Variants in PTPRS observed in about 807,000 individuals in gnomAD.
PTPRS encodes the protein protein tyrosine phosphatase receptor type S.
PTPRS carries 63 observed loss-of-function variants against 215.3 expected under a neutral mutation model. The observed-to-expected ratio is 0.29, with a 90% CI of 0.24 to 0.36. The LOEUF (loss-of-function observed/expected upper bound fraction) is 0.36, where lower values mean the gene tolerates loss of function less well. PTPRS is among the 10% of genes least tolerant of loss of function. The probability of loss-of-function intolerance (pLI) is 1.00; values close to 1 mark genes in which losing one functional copy is unlikely to be tolerated. For synonymous variants in PTPRS, 1,404 were observed against 1,191.4 expected (o/e 1.18, Z -3.68); for missense variants, 2,258 against 2,825.8 (o/e 0.80, Z 4.56).
rs1294560081 is a variant in PTPRS at position 5,288,736 on chromosome 19, CAG to C, written c.-94-2504_-94-2503del. Among the ~76,000 whole-genome samples, 4 of 152,320 alleles carry C rather than the reference CAG, an allele frequency of 2.6e-5. No homozygotes were observed. In the East Asian group the frequency reaches 7.7e-4, roughly 29 times the overall value. ...AGGGCATGGGTAGGAGTCACTTGCA[CAG>C]AGAGCCCAGGTGGGGCACATATATG... On this transcript the variant is annotated intron_variant, in intron 1 of 37. Transcript: ENST00000262963.
In PTPRS at chr19:5,274,207, G is replaced by A; in HGVS notation, c.229C>T (p.Arg77Cys). Residue 77 changes from arginine (R) to cysteine (C), a missense_variant, in exon 3 of 38, where the codon CGC (arginine) becomes TGC (cysteine). Physicochemically the swap from Arg to Cys is radical, Grantham distance 180 (BLOSUM62 -3). Around this residue, in one of 6 missense-constraint regions of PTPRS, gnomAD observed 508 missense variants for 799.4 expected, o/e 0.64. Coordinates refer to ENST00000262963, the MANE Select transcript of PTPRS (RefSeq NM_002850.4). ...CCCCTACCCCAACTCACCTCAAAGC[G>A]CTGAGAGTTGACCTTCTTGCCCTTC... Reference protein sequence around the residue: ...NKKGKKVNSQRFETIEFDESA... With the variant: ...NKKGKKVNSQCFETIEFDESA... The A allele has an allele frequency of 6.2e-7, 1 of 1,613,456 alleles. No homozygotes were observed. Among genetic ancestry groups the A allele is most frequent in the Non-Finnish European group, 8.5e-7 (1 of 1,179,458 alleles).
intron 13 of PTPRS, among the ~76,000 whole-genome samples, chr19:5,233,996 T>C (rs2043228853): frequency 1.5e-5 from 2 of 131,944 alleles, no homozygotes; most frequent in Non-Finnish European, 3.1e-5. Context: ...TCACACACTA[T>C]GTGCCAGGCA....
intron 5 of PTPRS, among the ~76,000 whole-genome samples, chr19:5,263,991 C>T (rs1211920669): frequency 1.3e-5 from 2 of 152,176 alleles, no homozygotes; most frequent in African/African-American, 4.8e-5. Context: ...GCAGACACAG[C>T]CCCCCAGACA....
intron 11 of PTPRS, among the ~76,000 whole-genome samples, 182 bp from the exon 12 acceptor site, chr19:5,240,514 C>G (rs1047344819): frequency 2.6e-5 from 4 of 152,214 alleles, no homozygotes; most frequent in African/African-American, 9.6e-5. Flanking sequence ...CCTCCATCCT[C>G]TCTTCTTCCA....
chr19:5,251,429 CTT>C (rs60058565), intron 9 of PTPRS, among the ~76,000 whole-genome samples: 26 of 136,632 alleles, frequency 1.9e-4, no homozygotes, highest in Non-Finnish European at 1.6e-4. Flanking sequence ...GCTCTAGATA[CTT>C]TTTTTTTTTT....
At chr19:5,291,331 C>T (rs1361131459) in intron 1 of PTPRS, among the ~76,000 whole-genome samples, 2 of 152,022 alleles carry the variant, frequency 1.3e-5, no homozygotes, top group African/African-American at 4.8e-5. Flanking sequence ...ACCAAGGGTC[C>T]TGCATGGAGG....
rs775510208 is a variant in PTPRS, at chr19:5,286,181, G to A, written c.-41C>T. 1 of 1,603,352 alleles carries A rather than the reference G, an allele frequency of 6.2e-7. No individual in the cohort carries two copies. Among genetic ancestry groups the A allele is most frequent in the Admixed American group, 1.7e-5 (1 of 58,432 alleles). ...CCGATCTCCGCCCTGGAGGGGGATG[G>A]CCCCCCGGTCCCTCACAGAGAGGCC... On this transcript the variant is annotated 5_prime_UTR_variant, in exon 2 of 38. Coordinates refer to ENST00000262963, the MANE Select transcript of PTPRS (RefSeq NM_002850.4).
rs1338484080 is a variant in PTPRS at position 5,340,753 on chromosome 19, C to A, written c.-184G>T. 1 of 149,926 alleles carries A rather than the reference C, an allele frequency of 6.7e-6. No homozygotes were observed. Among genetic ancestry groups the A allele is most frequent in the Non-Finnish European group, 1.5e-5 (1 of 67,344 alleles). 9.3% of individuals were successfully genotyped at this position (149,926 alleles called of 1,614,324 possible). On this transcript the variant is annotated 5_prime_UTR_variant, in exon 1 of 38. Transcript: ENST00000262963. ...GATCCGAGCGGAGCCCGAGCGCCAG[C>A]GGCTCGCGGCGTGCGCGCGCCGGCC...
In PTPRS at chr19:5,208,237, C is replaced by T. The variant is rs1275741790; in HGVS notation, c.5642G>A (p.Ser1881Asn). The T allele has an allele frequency of 6.3e-7, 1 of 1,593,514 alleles. No homozygotes were observed. Among genetic ancestry groups the T allele is most frequent in the African/African-American group, 1.3e-5 (1 of 74,522 alleles). ...GQDGPISVHC[S>N]AGVGRTGVFI... is the part of the protein sequence containing the mutation. Reference sequence around the variant, plus strand: ...AGCTGGGACACTCGAGGGAGCTCACCTGCAGTGGACAGAGATGGGGCCGTC... The same window carrying T: ...AGCTGGGACACTCGAGGGAGCTCACTTGCAGTGGACAGAGATGGGGCCGTC... The change falls in exon 36 of 38, where the codon AGT becomes AAT. Residue 1881 changes from serine (S) to asparagine (N), a missense_variant and splice_region_variant. Physicochemically the swap from Ser to Asn is conservative, Grantham distance 46. Transcript: ENST00000262963.
intron 2 of PTPRS, chr19:5,277,862 A>T: frequency 1.1e-6 from 1 of 898,122 alleles, no homozygotes; most frequent in Non-Finnish European, 1.8e-6. Flanking sequence ...GGTATTGACA[A>T]CAGGGTTCGC....
intron 20 of PTPRS, among the ~76,000 whole-genome samples, chr19:5,220,598 A>G (rs561568818): frequency 1.2e-4 from 19 of 152,294 alleles, no homozygotes; most frequent in African/African-American, 4.6e-4. Flanking sequence ...ACTCCTATAC[A>G]TCCTTCAAAG....
At position 5,339,139 on chromosome 19, in the gene PTPRS, C is replaced by T. The variant is rs975158651; in HGVS notation, c.-95+1525G>A. ...CTGCCGGGATGTGTTTTTAGGGTCT[C>T]GGCCAGAGGCAGGAGGACCCCATGC... On this transcript the variant is annotated intron_variant, in intron 1 of 37. Transcript: ENST00000262963. The surrounding 1 kb of genome is among the most constrained non-coding windows in gnomAD (Gnocchi z 4.2). Among the ~76,000 whole-genome samples, 5 of 152,196 alleles carry T rather than the reference C, an allele frequency of 3.3e-5. No homozygotes were observed. The highest frequency in any genetic ancestry group is 1.2e-4 in the African/African-American group (5 of 41,516).
At position 5,236,167 on chromosome 19, in the gene PTPRS, C is replaced by T. The variant is rs1192034812; in HGVS notation, c.1849+2752G>A. Among the ~76,000 whole-genome samples, 11 of 152,278 alleles carry T rather than the reference C, an allele frequency of 7.2e-5. No homozygotes were observed. The East Asian group carries it at 1.5e-3, about 21-fold the overall frequency. On this transcript the variant is annotated intron_variant, in intron 13 of 37. Coordinates refer to ENST00000262963, the MANE Select transcript of PTPRS (RefSeq NM_002850.4). ...CTTTCTACAGTCACTGGTTGTGTAC[C>T]GACTGTGGCCAGACCCCACCCTGGA...
chr19:5,272,575 G>C (rs114464776), intron 4 of PTPRS, among the ~76,000 whole-genome samples: 1 of 106,246 alleles, frequency 9.4e-6, no homozygotes, highest in Admixed American at 1.4e-4. Context: ...TCTGGCCAGC[G>C]CAACAAAGCA....
rs560090408 is a variant in PTPRS, at chr19:5,241,978, G to A, written c.1571-1646C>T. Among the ~76,000 whole-genome samples, 30 of 152,310 alleles carry A rather than the reference G, an allele frequency of 2.0e-4. No individual in the cohort carries two copies. In the South Asian group the frequency reaches 5.4e-3, roughly 27 times the overall value. On this transcript the variant is annotated intron_variant, in intron 11 of 37. Transcript: ENST00000262963. The stretch of plus-strand genomic sequence containing the variant: ...AGCCTCTTGAGTAGCTGGGATTACA[G>A]ACACACGCTATCATGCCCGGCTAAT...
At chr19:5,322,756 A>G (rs542130957) in intron 1 of PTPRS, among the ~76,000 whole-genome samples, 1 of 151,722 alleles carries the variant, frequency 6.6e-6, no homozygotes, top group South Asian at 2.1e-4. Flanking sequence ...GCGCACGCCT[A>G]TAATCCCAGC....
intron 13 of PTPRS, among the ~76,000 whole-genome samples, chr19:5,234,716 A>C (rs2043292059): frequency 6.6e-6 from 1 of 152,116 alleles, no homozygotes; most frequent in African/African-American, 2.4e-5. Context: ...GTATCAGAAA[A>C]GTTAATAGTC....
Position 5,244,251 on chromosome 19 carries a change from G to C in PTPRS, c.1220C>G (p.Ser407Cys). 6.2e-7 allele frequency: 1 copy of C among 1,613,796 alleles called. No individual in the cohort carries two copies. The highest frequency in any genetic ancestry group is 2.2e-5 in the East Asian group (1 of 44,878). ...EYEIWVSAVN[S>C]IGQGPPSESV... ...CTCGCTGGGGGGCCCCTGGCCGATG[G>C]AGTTGACGGCCGACACCCAGATCTC... Residue 407 changes from serine to cysteine, a missense_variant, in exon 11 of 38, where the codon TCC (serine) becomes TGC (cysteine). By Grantham distance (112) the Ser-to-Cys change is moderately radical. Transcript: ENST00000262963. This position sits in a 1 kb window ranked among gnomAD's most constrained non-coding sequence, Gnocchi z 7.2.
chr19:5,212,412 G>A lies in PTPRS; in HGVS notation c.4694C>T (p.Thr1565Met), dbSNP rs768007031. Residue 1565 changes from threonine to methionine, a missense_variant, in exon 31 of 38, where the codon ACG becomes ATG. By Grantham distance (81) the Thr-to-Met change is moderately conservative. Coordinates refer to ENST00000262963, the MANE Select transcript of PTPRS (RefSeq NM_002850.4). ...TCTCCGCAGGAAAGCCAGGAAGGGC[G>A]TTGGGTATTCGGGCACGCCATGGTC... ...WPDHGVPEYPTPFLAFLRRVK... is the reference protein window; with the variant it reads ...WPDHGVPEYPMPFLAFLRRVK... The A allele has an allele frequency of 8.7e-6, 14 of 1,605,182 alleles. No individual in the cohort carries two copies. The highest frequency in any genetic ancestry group is 6.8e-5 in the Admixed American group (4 of 58,580).
Sources: gnomAD v4.1 joint callset for allele counts (sites outside exome capture counted in the v4.1 genomes callset) on GRCh38, gnomAD v4.1.1 for gene constraint, gnomAD v4.1.1 regional missense constraint, Gnocchi (gnomAD v3.1) non-coding constraint, MANE v1.5 for transcripts, NCBI Gene and HGNC (gene_info 2026-07-23, HGNC 2026-07-21) for gene names.